The following KIAA2012 variants were observed in gnomAD, a reference collection of about 807,000 sequenced individuals.
The protein encoded by KIAA2012 is uncharacterized protein KIAA2012.
KIAA2012 carries 125 observed loss-of-function variants against 150.6 expected under a neutral mutation model. The ratio of observed to expected loss-of-function variants is 0.83; its 90% CI spans 0.72 to 0.96. The LOEUF (loss-of-function observed/expected upper bound fraction) is 0.96. Among genes scored for constraint, KIAA2012 ranks in the 40% least tolerant of loss-of-function variants. The pLI, the probability that KIAA2012 is intolerant of heterozygous loss-of-function variation, is 0.00. For missense variants in KIAA2012, 1,219 were observed against 1,354.9 expected, an observed-to-expected ratio of 0.90 and a Z score of 1.57; for synonymous variants, 462 against 504.7, an observed-to-expected ratio of 0.92 and a Z score of 1.13.
chr2:202,093,900 G>T (rs1205460229), intron 4 of KIAA2012, among the ~76,000 whole-genome samples: 1 of 152,190 alleles, frequency 6.6e-6, no homozygotes, highest in Admixed American at 6.5e-5. Flanking sequence ...AGGGAGATGG[G>T]AAAAGACAAC....
chr2:202,097,738 C>T (rs150479128), intron 5 of KIAA2012, among the ~76,000 whole-genome samples, 161 bp downstream of exon 5: 72 of 152,158 alleles, frequency 4.7e-4, no homozygotes, highest in African/African-American at 1.7e-3. Context: ...TACAGGTAAG[C>T]ACCTCCAGGC....
chr2:202,098,390 C>T (rs554420880), intron 5 of KIAA2012, among the ~76,000 whole-genome samples: 101 of 152,200 alleles, frequency 6.6e-4, no homozygotes, highest in Non-Finnish European at 6.0e-4. Flanking sequence ...GTTTCATAGG[C>T]AAATACACTG....
At chr2:202,099,118 G>T (rs1689976541) in intron 5 of KIAA2012, among the ~76,000 whole-genome samples, 1 of 152,004 alleles carries the variant, frequency 6.6e-6, no homozygotes, top group Admixed American at 6.5e-5. Context: ...CCCCTGAGTA[G>T]CTGGGACTAC....
intron 8 of KIAA2012, among the ~76,000 whole-genome samples, chr2:202,105,149 G>A (rs1217181004): frequency 1.3e-5 from 2 of 151,208 alleles, no homozygotes; most frequent in African/African-American, 4.9e-5. Context: ...AAGGAAAGAT[G>A]GAAGGAAGGG....
chr2:202,149,073 C>A (rs1691365942), intron 13 of KIAA2012, among the ~76,000 whole-genome samples: 1 of 152,180 alleles, frequency 6.6e-6, no homozygotes, highest in Non-Finnish European at 1.5e-5. Context: ...GGAAGGGCCC[C>A]TTCCAGGATT....
At chr2:202,139,917 G>C (rs17386619) in intron 13 of KIAA2012, among the ~76,000 whole-genome samples, 101,648 of 152,044 alleles carry the variant, frequency 0.67, 34,442 homozygotes, top group African/African-American at 0.77. Flanking sequence ...TTCCAAAAGA[G>C]CTACTATCAC....
intron 2 of KIAA2012, among the ~76,000 whole-genome samples, chr2:202,084,015 C>T (rs986361255): frequency 6.6e-6 from 1 of 152,068 alleles, no homozygotes; most frequent in Non-Finnish European, 1.5e-5. Context: ...GAGCAGAGGC[C>T]TCTAGGGGAG....
At chr2:202,170,384 G>A (rs1691861783) in intron 15 of KIAA2012, among the ~76,000 whole-genome samples, 1 of 152,168 alleles carries the variant, frequency 6.6e-6, no homozygotes, top group South Asian at 2.1e-4. Flanking sequence ...CTGTTAAGGG[G>A]AAAAGCAGAA....
Position 202,090,949 on chromosome 2 carries a change from G to A in KIAA2012, c.529+20G>A. The A allele has an allele frequency of 6.5e-7, 1 of 1,529,834 alleles. No homozygotes were observed. The highest frequency in any genetic ancestry group is 1.4e-5 in the African/African-American group (1 of 72,746). 94.8% of individuals were successfully genotyped at this position (1,529,834 alleles called of 1,614,324 possible). On this transcript the variant is annotated intron_variant, in intron 3 of 23. Transcript: ENST00000498697. ...GCGCAGGTCAGTGGGGAAATGGGAGGGGGGCACACCCCAAACTGCCCCACC... is the reference window on the plus strand; with the variant it reads ...GCGCAGGTCAGTGGGGAAATGGGAGAGGGGCACACCCCAAACTGCCCCACC...
Position 202,099,682 on chromosome 2 carries a change from A to T in KIAA2012, c.898A>T (p.Thr300Ser). The T allele has an allele frequency of 6.4e-7, 1 of 1,550,392 alleles. No homozygotes were observed. The highest frequency in any genetic ancestry group is 2.0e-5 in the Admixed American group (1 of 50,988). The change falls in exon 6 of 24, where the codon ACC (threonine) becomes TCC (serine). Residue 300 changes from threonine (T) to serine (S), a missense_variant. Transcript: ENST00000498697. ...GAGCTACAATGAAAAGACACAGCAA[A>T]CCTCCAGGAAGGCCTTTGGGCATGG... ...KESYNEKTQQ[T>S]SRKAFGHGRI...
At chr2:202,132,012 G>C (rs548358751) in intron 12 of KIAA2012, among the ~76,000 whole-genome samples, 22 of 151,690 alleles carry the variant, frequency 1.5e-4, no homozygotes, top group Non-Finnish European at 2.1e-4. Flanking sequence ...CCCCATCTCT[G>C]CTAAAAATAC....
intron 15 of KIAA2012, among the ~76,000 whole-genome samples, chr2:202,168,974 T>C (rs1691829224): frequency 2.0e-5 from 3 of 152,184 alleles, no homozygotes; most frequent in Admixed American, 1.3e-4. Context: ...AGATAGGATG[T>C]TGGTACAACT....
intron 14 of KIAA2012, among the ~76,000 whole-genome samples, chr2:202,160,015 C>A (rs1047946647): frequency 2.0e-5 from 3 of 152,186 alleles, no homozygotes; most frequent in African/African-American, 2.4e-5. Flanking sequence ...ACATATTGAG[C>A]CTTGTATAAT....
intron 14 of KIAA2012, among the ~76,000 whole-genome samples, chr2:202,161,526 T>C (rs1444307101): frequency 6.6e-6 from 1 of 152,044 alleles, no homozygotes; most frequent in African/African-American, 2.4e-5. Context: ...GTCCACACAC[T>C]GCCCCCGCAC....
intron 10 of KIAA2012, among the ~76,000 whole-genome samples, chr2:202,110,501 G>A (rs773121762): frequency 2.0e-5 from 3 of 152,220 alleles, no homozygotes; most frequent in Non-Finnish European, 4.4e-5. Flanking sequence ...GGAATATGTG[G>A]TCCAGGCAGC....
intron 2 of KIAA2012, among the ~76,000 whole-genome samples, chr2:202,087,506 A>G (rs10931990): frequency 0.81 from 99,126 of 121,918 alleles, 39,855 homozygotes; most frequent in Admixed American, 0.82. Flanking sequence ...AAGCGAAACC[A>G]TCTCAAAAAA....
intron 15 of KIAA2012, among the ~76,000 whole-genome samples, chr2:202,168,525 T>C (rs766002601): frequency 2.5e-4 from 38 of 152,184 alleles, no homozygotes; most frequent in Non-Finnish European, 5.0e-4. Context: ...AGCCACAATT[T>C]GCTCCTTGTC....
chr2:202,180,034 G>A, intron 15 of KIAA2012: 1 of 444,244 alleles, frequency 2.3e-6, no homozygotes, highest in South Asian at 1.8e-5. Context: ...CACTTTGGGA[G>A]GCTAAGGTGG....
At chr2:202,111,610 A>C (rs950108106) in intron 10 of KIAA2012, among the ~76,000 whole-genome samples, 5 of 151,078 alleles carry the variant, frequency 3.3e-5, no homozygotes, top group Non-Finnish European at 7.4e-5. Context: ...GGGTGTGTGC[A>C]TGTGTGTAAG....
Sources: gnomAD v4.1 joint callset for allele counts (sites outside exome capture counted in the v4.1 genomes callset) on GRCh38, gnomAD v4.1.1 for gene constraint, MANE v1.5 for transcripts, NCBI Gene and HGNC (gene_info 2026-07-23, HGNC 2026-07-21) for gene names.